Variants in KIAA0825 observed in about 807,000 individuals in gnomAD.
KIAA0825 encodes the protein KIAA0825.
In KIAA0825, 119 loss-of-function variants were observed where a neutral mutation model predicts 147.6. That is an observed-to-expected ratio of 0.81 (90% CI 0.69 to 0.94). The LOEUF is 0.94. Ranked by LOEUF, KIAA0825 falls within the 40% of genes least tolerant of loss-of-function variation. The pLI, the probability that KIAA0825 is intolerant of heterozygous loss-of-function variation, is 0.00. For synonymous variants in KIAA0825, 470 were observed against 518.1 expected, an observed-to-expected ratio of 0.91 and a Z score of 1.26; for missense variants, 1,381 against 1,472.7, an observed-to-expected ratio of 0.94 and a Z score of 1.02.
intron 8 of KIAA0825, among the ~76,000 whole-genome samples, chr5:94,472,669 A>G (rs550528378): frequency 1.1e-4 from 16 of 152,198 alleles, no homozygotes; most frequent in South Asian, 4.2e-4. Flanking sequence ...GCGTGAACCC[A>G]GGAGGCGGAG....
chr5:94,555,446 A>C (rs1221178636), intron 2 of KIAA0825, among the ~76,000 whole-genome samples: 2 of 152,120 alleles, frequency 1.3e-5, no homozygotes, highest in African/African-American at 4.8e-5. Flanking sequence ...TAGATTATCT[A>C]TATATATCTG....
chr5:94,252,096 G>A (rs536345471), intron 20 of KIAA0825, among the ~76,000 whole-genome samples: 8 of 152,010 alleles, frequency 5.3e-5, no homozygotes, highest in African/African-American at 1.9e-4. Flanking sequence ...ATTTGATTTG[G>A]TAATCTTATG....
At chr5:94,611,258 T>C (rs1408087527) in intron 1 of KIAA0825, among the ~76,000 whole-genome samples, 1 of 152,194 alleles carries the variant, frequency 6.6e-6, no homozygotes, top group Non-Finnish European at 1.5e-5. Context: ...AGTCACATGT[T>C]TCCTGAGTTA....
At chr5:94,454,605 A>G (rs1412422293) in intron 12 of KIAA0825, among the ~76,000 whole-genome samples, 2 of 152,240 alleles carry the variant, frequency 1.3e-5, no homozygotes, top group African/African-American at 4.8e-5. Context: ...AGAAGTAGGC[A>G]GAAGCCAGAC....
intron 20 of KIAA0825, among the ~76,000 whole-genome samples, chr5:94,358,554 G>A (rs1744633614): frequency 6.6e-6 from 1 of 152,138 alleles, no homozygotes; most frequent in Non-Finnish European, 1.5e-5. Flanking sequence ...TTTGGATTTG[G>A]GGCAATATTC....
In KIAA0825 at chr5:94,471,578, C is replaced by T; in HGVS notation, c.1609G>A (p.Glu537Lys). The T allele has an allele frequency of 1.3e-6, 2 of 1,551,888 alleles. No individual in the cohort carries two copies. Among genetic ancestry groups the T allele is most frequent in the Non-Finnish European group, 1.7e-6 (2 of 1,147,040 alleles). The change falls in exon 9 of 21, where the codon GAG (glutamate) becomes AAG (lysine). Residue 537 changes from glutamate to lysine, a missense_variant. By Grantham distance (56) the Glu-to-Lys change is moderately conservative. Transcript: ENST00000682413. ...TTCAGGGGTGCTTTGGAAGGAACCT[C>T]CTTGGCTCTCTCTTGCAGTCTCTGC... ...VLQRLQERAK[E>K]VPSKAPLKNL...
intron 2 of KIAA0825, among the ~76,000 whole-genome samples, chr5:94,549,893 T>TA (rs1439305444): frequency 1.3e-5 from 2 of 151,530 alleles, no homozygotes; most frequent in Non-Finnish European, 2.9e-5. Context: ...AAAATTAGTA[T>TA]AAAAAAAGAA....
intron 2 of KIAA0825, among the ~76,000 whole-genome samples, chr5:94,566,920 T>G (rs1249985849): frequency 6.6e-6 from 1 of 152,218 alleles, no homozygotes; most frequent in Non-Finnish European, 1.5e-5. Context: ...ATTGCATTTC[T>G]TTGACCAAAA....
At chr5:94,475,392 A>AT (rs60497146) in intron 7 of KIAA0825, among the ~76,000 whole-genome samples, 17,130 of 152,130 alleles carry the variant, frequency 0.11, 2,045 homozygotes, top group African/African-American at 0.3. Context: ...ATTTTTAAAA[A>AT]TTTTTTGGGC....
intron 20 of KIAA0825, among the ~76,000 whole-genome samples, chr5:94,179,962 TA>T (rs1171482773): frequency 1.3e-5 from 2 of 152,032 alleles, no homozygotes; most frequent in Non-Finnish European, 2.9e-5. Context: ...AAATCATCAT[TA>T]AAACACCACA....
intron 20 of KIAA0825, among the ~76,000 whole-genome samples, chr5:94,218,111 G>A (rs1429957911): frequency 1.3e-5 from 2 of 151,962 alleles, no homozygotes; most frequent in African/African-American, 4.8e-5. Context: ...AAAGGGTGTG[G>A]GCTTACCATG....
intron 20 of KIAA0825, among the ~76,000 whole-genome samples, chr5:94,234,227 C>T (rs540439074): frequency 1.4e-3 from 216 of 151,816 alleles, no homozygotes; most frequent in African/African-American, 4.9e-3. Context: ...AAAAATTAGC[C>T]GGGCGTGGTG....
At chr5:94,196,353 A>G (rs2150011493) in intron 20 of KIAA0825, among the ~76,000 whole-genome samples, 1 of 152,348 alleles carries the variant, frequency 6.6e-6, no homozygotes, top group Non-Finnish European at 1.5e-5. Flanking sequence ...ATCAAGCATA[A>G]TAACATACAA....
At chr5:94,261,026 G>C (rs538064166) in intron 20 of KIAA0825, among the ~76,000 whole-genome samples, 1 of 152,242 alleles carries the variant, frequency 6.6e-6, no homozygotes, top group African/African-American at 2.4e-5. Flanking sequence ...CATTCGGTCA[G>C]GTGCAGTGGC....
intron 5 of KIAA0825, among the ~76,000 whole-genome samples, chr5:94,505,378 A>T (rs1175324568): frequency 2.6e-5 from 4 of 151,770 alleles, no homozygotes; most frequent in Non-Finnish European, 4.4e-5. Context: ...AAAAAAAAAA[A>T]GTTAATCTCA....
chr5:94,200,797 T>TCTCCTA (rs1342788842), intron 20 of KIAA0825, among the ~76,000 whole-genome samples: 6 of 151,832 alleles, frequency 4.0e-5, no homozygotes, highest in African/African-American at 1.5e-4. Flanking sequence ...ATAACTATTA[T>TCTCCTA]CTCCTACTCC....
At chr5:94,612,944 A>G (rs1054616010) in intron 1 of KIAA0825, among the ~76,000 whole-genome samples, 1 of 152,224 alleles carries the variant, frequency 6.6e-6, no homozygotes, top group African/African-American at 2.4e-5. Context: ...TAATCCTAGT[A>G]AAGTTGATAG....
At chr5:94,375,877 T>C (rs1747489515) in intron 20 of KIAA0825, among the ~76,000 whole-genome samples, 2 of 152,212 alleles carry the variant, frequency 1.3e-5, no homozygotes, top group African/African-American at 2.4e-5. Flanking sequence ...CCCTAGTACA[T>C]TGTTACTTTA....
chr5:94,586,189 C>A (rs1336010727), intron 1 of KIAA0825, among the ~76,000 whole-genome samples: 1 of 152,020 alleles, frequency 6.6e-6, no homozygotes, highest in African/African-American at 2.4e-5. Context: ...TAACTAAGAT[C>A]AGAGCAGAAC....
Sources: gnomAD v4.1 joint callset for allele counts (sites outside exome capture counted in the v4.1 genomes callset) on GRCh38, gnomAD v4.1.1 for gene constraint, MANE v1.5 for transcripts, NCBI Gene and HGNC (gene_info 2026-07-23, HGNC 2026-07-21) for gene names.